Variants in SKP2 observed in about 807,000 individuals in gnomAD.
SKP2 encodes S-phase kinase associated protein 2, also known as S-phase kinase-associated protein 2.
Under a neutral mutation model 51.8 loss-of-function variants are expected in SKP2, and 16 were observed. The observed-to-expected ratio is 0.31, with a 90% confidence interval of 0.21 to 0.47. The LOEUF (loss-of-function observed/expected upper bound fraction) is 0.47, where lower values mean the gene tolerates loss of function less well. Among genes scored for constraint, SKP2 ranks in the 20% least tolerant of loss-of-function variants. The probability of loss-of-function intolerance (pLI) is 1.00; values close to 1 mark genes in which losing one functional copy is unlikely to be tolerated. For synonymous variants in SKP2, 176 were observed against 198.6 expected, an observed-to-expected ratio of 0.89 and a Z score of 0.96; for missense variants, 377 against 505.3, an observed-to-expected ratio of 0.75 and a Z score of 2.43.
intron 9 of SKP2, among the ~76,000 whole-genome samples, chr5:36,177,992 G>C (rs1579574112): frequency 6.6e-6 from 1 of 152,124 alleles, no homozygotes; most frequent in Non-Finnish European, 1.5e-5. Flanking sequence ...AATCAAGGGA[G>C]TGCAAGAAAG....
At chr5:36,191,010 A>C (rs1349724208) in intron 6 of SKP2, among the ~76,000 whole-genome samples, 1 of 152,144 alleles carries the variant, frequency 6.6e-6, no homozygotes, top group Non-Finnish European at 1.5e-5. Context: ...AAATTCTCTA[A>C]ATCTTAAATT....
At chr5:36,159,202 A>G (rs569498184) in intron 2 of SKP2, among the ~76,000 whole-genome samples, 11 of 152,282 alleles carry the variant, frequency 7.2e-5, no homozygotes, top group Admixed American at 5.2e-4. Context: ...GGAAGTTGCA[A>G]CACAAAGTCC....
In SKP2 at chr5:36,182,125, T is replaced by C; in HGVS notation, c.*94T>C. ...GTACTTAGCTAGTTTTATTCTTGGT[T>C]TTCCCTTTGCCTTCATTCTGCAAGT... is the stretch of plus-strand genomic sequence containing the variant. On this transcript the variant is annotated 3_prime_UTR_variant, in exon 10 of 10. Transcript: ENST00000274255. 1 of 1,506,472 alleles carries C rather than the reference T, an allele frequency of 6.6e-7. No individual in the cohort carries two copies. The highest frequency in any genetic ancestry group is 8.9e-7 in the Non-Finnish European group (1 of 1,126,830). 93.3% of individuals were successfully genotyped at this position (1,506,472 alleles called of 1,614,324 possible).
At chr5:36,160,593 A>G (rs138848943) in intron 2 of SKP2, among the ~76,000 whole-genome samples, 68 of 152,338 alleles carry the variant, frequency 4.5e-4, no homozygotes, top group African/African-American at 1.6e-3. Context: ...GTGGATGACT[A>G]TACTTATAGC....
At chr5:36,166,898 AAG>A (rs1011638145) in intron 4 of SKP2, among the ~76,000 whole-genome samples, 4 of 152,070 alleles carry the variant, frequency 2.6e-5, no homozygotes, top group African/African-American at 9.7e-5. Context: ...CCCAGGGTGA[AAG>A]AGGCACATTT....
At chr5:36,174,025 T>C (rs1209147239) in intron 7 of SKP2, among the ~76,000 whole-genome samples, 1 of 152,018 alleles carries the variant, frequency 6.6e-6, no homozygotes, top group Non-Finnish European at 1.5e-5. Flanking sequence ...AGTTAAGACA[T>C]GTACAGCATG....
Position 36,152,937 on chromosome 5 carries a change from C to G in SKP2, c.175C>G (p.Leu59Val). The change falls in exon 2 of 10, where the codon CTG becomes GTG. Residue 59 changes from leucine to valine, a missense_variant. Coordinates refer to ENST00000274255, the MANE Select transcript of SKP2 (RefSeq NM_005983.4). Reference protein sequence around the residue: ...ENIPQELLSNLGHPESPPRKR... With the variant: ...ENIPQELLSNVGHPESPPRKR... ...CATCCCCCAGGAACTGCTCTCAAAC[C>G]TGGGCCACCCGGAGAGCCCCCCACG... is the stretch of plus-strand genomic sequence containing the variant. The G allele has an allele frequency of 6.2e-7, 1 of 1,614,116 alleles. No individual in the cohort carries two copies.
At chr5:36,154,184 G>C (rs1245491767) in intron 2 of SKP2, among the ~76,000 whole-genome samples, 1 of 152,134 alleles carries the variant, frequency 6.6e-6, no homozygotes, top group Admixed American at 6.5e-5. Context: ...GGAAGATAGA[G>C]TGCACTTTTA....
chr5:36,193,232 A>G (rs1561050071), intron 7 of SKP2: 1 of 152,072 alleles, frequency 6.6e-6, no homozygotes, highest in African/African-American at 2.4e-5. Flanking sequence ...TAATCCCAAT[A>G]CTGGGAGGCC....
Position 36,153,052 on chromosome 5 carries a change from T to A in SKP2, c.280+10T>A. The A allele has an allele frequency of 6.2e-7, 1 of 1,611,026 alleles. No individual in the cohort carries two copies. Among genetic ancestry groups the A allele is most frequent in the Non-Finnish European group, 8.5e-7 (1 of 1,177,608 alleles). ...CGAGAGAACTTTCCAGGTAAGGACATGAGGGTAAAAATGTCAGTTATGCAA... is the reference window on the plus strand; with the variant it reads ...CGAGAGAACTTTCCAGGTAAGGACAAGAGGGTAAAAATGTCAGTTATGCAA... On this transcript the variant is annotated intron_variant, in intron 2 of 9. Transcript: ENST00000274255.
At position 36,157,874 on chromosome 5, in the gene SKP2, A is replaced by C. The variant is rs377593873; in HGVS notation, c.280+4832A>C. Reference sequence around the variant, plus strand: ...GAGTGGAGTGATATTCTGAGAAATAAATATGTCAAGTAAGATGAGTTACCT... The same window carrying C: ...GAGTGGAGTGATATTCTGAGAAATACATATGTCAAGTAAGATGAGTTACCT... On this transcript the variant is annotated intron_variant, in intron 2 of 9. Coordinates refer to ENST00000274255, the MANE Select transcript of SKP2 (RefSeq NM_005983.4). 4.6e-5 allele frequency among the ~76,000 whole-genome samples: 7 copies of C among 152,218 alleles called. No homozygotes were observed. The East Asian group carries it at 1.3e-3, about 29-fold the overall frequency.
At position 36,163,026 on chromosome 5, in the gene SKP2, G is replaced by A. The variant is rs1034321766; in HGVS notation, c.281-619G>A. ...GTTATCACCAGGTAACCGTCCCCAT[G>A]ATTTGATTACCTCCCACTGGGTCCC... On this transcript the variant is annotated intron_variant, in intron 2 of 9. Transcript: ENST00000274255. Among the ~76,000 whole-genome samples, 7 of 152,304 alleles carry A rather than the reference G, an allele frequency of 4.6e-5. No homozygotes were observed. In the South Asian group the frequency reaches 6.2e-4, roughly 14 times the overall value.
At chr5:36,160,083 T>A (rs1477128372) in intron 2 of SKP2, among the ~76,000 whole-genome samples, 1 of 152,226 alleles carries the variant, frequency 6.6e-6, no homozygotes, top group African/African-American at 2.4e-5. Flanking sequence ...AAGATAAATC[T>A]GTCAATTTCC....
At chr5:36,193,447 C>T (rs1746097248) in intron 7 of SKP2, 1 of 134,866 alleles carries the variant, frequency 7.4e-6, no homozygotes, top group South Asian at 2.4e-4. Flanking sequence ...GCAGTCCAGC[C>T]TGGGTGACAA....
At chr5:36,181,775 C>T in intron 9 of SKP2, 43 bp from the exon 10 acceptor site, 3 of 1,608,730 alleles carry the variant, frequency 1.9e-6, no homozygotes, top group Non-Finnish European at 2.5e-6. Context: ...CAAACAGTTT[C>T]CATAGATACT....
rs143074598 is a variant in SKP2, at chr5:36,182,704, T to C, written c.*673T>C. The stretch of plus-strand genomic sequence containing the variant: ...TGAAGGCCCAGCAGACAGTTTTCTA[T>C]GACAGGTTAATCTGAAGTATCCTGT... On this transcript the variant is annotated 3_prime_UTR_variant, in exon 10 of 10. Transcript: ENST00000274255. 1.5e-4 allele frequency: 150 copies of C among 980,372 alleles called. 3 individuals carry two copies. In the East Asian group the frequency reaches 0.016, roughly 105 times the overall value. 60.7% of individuals were successfully genotyped at this position (980,372 alleles called of 1,614,324 possible).
chr5:36,172,881 G>A (rs1561538381), intron 7 of SKP2, among the ~76,000 whole-genome samples: 1 of 151,944 alleles, frequency 6.6e-6, no homozygotes, highest in Non-Finnish European at 1.5e-5. Flanking sequence ...CAGCAATCAT[G>A]TCTTCATTTC....
intron 5 of SKP2, among the ~76,000 whole-genome samples, chr5:36,169,257 C>A (rs1198300913): frequency 6.6e-6 from 1 of 152,016 alleles, no homozygotes; most frequent in Non-Finnish European, 1.5e-5. Context: ...CCAGCCTGGC[C>A]AACATGGTGA....
At chr5:36,174,973 T>C (rs1264358949) in intron 7 of SKP2, among the ~76,000 whole-genome samples, 2 of 152,094 alleles carry the variant, frequency 1.3e-5, no homozygotes, top group East Asian at 3.9e-4. Flanking sequence ...CTAAGTGACA[T>C]GGGATATGGG....
Sources: allele counts gnomAD v4.1 joint callset (sites outside exome capture counted in the v4.1 genomes callset), GRCh38; gene constraint gnomAD v4.1.1; transcripts MANE v1.5; gene names NCBI Gene and HGNC (gene_info 2026-07-23, HGNC 2026-07-21).